RBFOX1: variants seen among roughly 807,000 people sequenced by gnomAD.
The protein encoded by RBFOX1 is RNA binding protein fox-1 homolog 1.
RBFOX1 carries 8 observed loss-of-function variants against 57.7 expected under a neutral mutation model. The observed-to-expected ratio is 0.14, with a 90% CI of 0.08 to 0.25. RBFOX1 has a LOEUF of 0.25. Ranked by LOEUF, RBFOX1 falls within the 10% of genes least tolerant of loss-of-function variation. RBFOX1 has a pLI of 1.00. For synonymous variants in RBFOX1, 326 were observed against 222.4 expected (o/e 1.47, Z -4.15); for missense variants, 611 against 548.5 (o/e 1.11, Z -1.14).
intron 3 of RBFOX1, among the ~76,000 whole-genome samples, chr16:6,773,022 G>A (rs542713975): frequency 1.4e-5 from 2 of 145,204 alleles, no homozygotes; most frequent in South Asian, 2.2e-4. Context: ...GTGTGTGATT[G>A]TATTTGTGGG....
At chr16:6,439,861 GA>G (rs1474747539) in intron 2 of RBFOX1, among the ~76,000 whole-genome samples, 1 of 152,144 alleles carries the variant, frequency 6.6e-6, no homozygotes, top group African/African-American at 2.4e-5. Context: ...ATGGGATGCA[GA>G]AAGCTGGGCC....
At chr16:6,591,389 G>A (rs1303045827) in intron 2 of RBFOX1, among the ~76,000 whole-genome samples, 9 of 152,180 alleles carry the variant, frequency 5.9e-5, no homozygotes, top group Non-Finnish European at 1.3e-4. Context: ...GGGAGGCGGA[G>A]ATTGCAGTGA....
At chr16:7,181,082 C>G (rs920060958) in intron 4 of RBFOX1, among the ~76,000 whole-genome samples, 1 of 152,242 alleles carries the variant, frequency 6.6e-6, no homozygotes, top group Admixed American at 6.5e-5. Context: ...CCATGGCTTA[C>G]TGACCCCCTG....
intron 1 of RBFOX1, among the ~76,000 whole-genome samples, chr16:6,091,523 G>T (rs1180938875): frequency 1.0e-5 from 1 of 97,544 alleles, no homozygotes; most frequent in African/African-American, 6.4e-5. Context: ...CTACATGGTA[G>T]GTATTCAAAA....
intron 2 of RBFOX1, among the ~76,000 whole-genome samples, chr16:6,338,652 C>T (rs2084097894): frequency 6.6e-6 from 1 of 152,120 alleles, no homozygotes. Context: ...CAGTGGCTAC[C>T]TGGTTATGTA....
intron 2 of RBFOX1, among the ~76,000 whole-genome samples, chr16:5,522,718 G>A (rs1460377528): frequency 1.3e-5 from 2 of 152,032 alleles, no homozygotes; most frequent in African/African-American, 2.4e-5. Flanking sequence ...CCCACCTCTG[G>A]TATCTATGAT....
At position 7,264,902 on chromosome 16, in the gene RBFOX1, C is replaced by A. The variant is rs529385014; in HGVS notation, c.27+212804C>A. ...TTTGAGACATTTACCCCCAGTCCACCTTCCCACAGAAAGATCCATCAGGCC... is the reference window on the plus strand; with the variant it reads ...TTTGAGACATTTACCCCCAGTCCACATTCCCACAGAAAGATCCATCAGGCC... On this transcript the variant is annotated intron_variant, in intron 4 of 15. Transcript: ENST00000550418. Among the ~76,000 whole-genome samples the A allele has an allele frequency of 1.8e-4, 27 of 152,304 alleles. No homozygotes were observed. The East Asian group carries it at 4.1e-3, about 23-fold the overall frequency.
At position 6,154,127 on chromosome 16, in the gene RBFOX1, C is replaced by T. The variant is rs912820332; in HGVS notation, c.-127+134135C>T. ...AAATCAGATGTTCCTGCGTCATAATCTCACGCTGACGCTTACTAAGCCTGT... is the reference window on the plus strand; with the variant it reads ...AAATCAGATGTTCCTGCGTCATAATTTCACGCTGACGCTTACTAAGCCTGT... On this transcript the variant is annotated intron_variant, in intron 1 of 15. Coordinates refer to ENST00000550418, the MANE Select transcript of RBFOX1 (RefSeq NM_018723.4). 1.3e-5 allele frequency among the ~76,000 whole-genome samples: 2 copies of T among 152,198 alleles called. 1 individual carries two copies. The highest frequency in any genetic ancestry group is 4.8e-5 in the African/African-American group (2 of 41,454).
At chr16:5,514,241 C>G (rs541619326) in intron 2 of RBFOX1, among the ~76,000 whole-genome samples, 6 of 152,132 alleles carry the variant, frequency 3.9e-5, no homozygotes. Context: ...GTTGGCTGAC[C>G]GTGGATGGGT....
intron 15 of RBFOX1, chr16:7,709,360 C>T (rs2083514272): frequency 4.7e-6 from 5 of 1,074,936 alleles, no homozygotes; most frequent in African/African-American, 3.2e-5. Context: ...TTGCAAGTCT[C>T]ACCTAGCAGA....
chr16:5,794,136 G>C (rs1462791420), intron 3 of RBFOX1, among the ~76,000 whole-genome samples: 1 of 152,066 alleles, frequency 6.6e-6, no homozygotes, highest in Non-Finnish European at 1.5e-5. Flanking sequence ...AATCTCTTGG[G>C]GCTTTTTCTT....
At position 7,357,679 on chromosome 16, in the gene RBFOX1, G is replaced by A. The variant is rs143231643; in HGVS notation, c.28-160468G>A. ...TTGCGCAGGACTTTTATTCAGTCTC[G>A]GTTGCAATGTCAGTTTTCTTGCCCT... On this transcript the variant is annotated intron_variant, in intron 4 of 15. Transcript: ENST00000550418. Among the ~76,000 whole-genome samples the A allele has an allele frequency of 2.6e-4, 40 of 152,196 alleles. No homozygotes were observed. In the East Asian group the frequency reaches 7.3e-3, roughly 28 times the overall value.
intron 2 of RBFOX1, among the ~76,000 whole-genome samples, chr16:6,433,924 C>T (rs1332242317): frequency 2.0e-5 from 3 of 150,966 alleles, no homozygotes; most frequent in Non-Finnish European, 2.9e-5. Flanking sequence ...CTCTGCTCAC[C>T]GTAACCTCCA....
rs763030500 is a variant in RBFOX1, at chr16:6,156,297, T to C, written c.-127+136305T>C. Among the ~76,000 whole-genome samples, 5 of 152,172 alleles carry C rather than the reference T, an allele frequency of 3.3e-5. No homozygotes were observed. The East Asian group carries it at 5.8e-4, about 18-fold the overall frequency. ...TGCTTCCCCCACAGCTAATGGAACA[T>C]TGATTTTGTTAAAGGATTGGGAAGC... On this transcript the variant is annotated intron_variant, in intron 1 of 15. Coordinates refer to ENST00000550418, the MANE Select transcript of RBFOX1 (RefSeq NM_018723.4).
At chr16:6,091,259 A>G (rs911176295) in intron 1 of RBFOX1, among the ~76,000 whole-genome samples, 8 of 152,110 alleles carry the variant, frequency 5.3e-5, no homozygotes, top group Non-Finnish European at 8.8e-5. Context: ...ATTCTCTTAC[A>G]TCTATGATAC....
At chr16:5,963,646 C>A (rs1156718222) in intron 4 of RBFOX1, among the ~76,000 whole-genome samples, 1 of 152,116 alleles carries the variant, frequency 6.6e-6, no homozygotes, top group African/African-American at 2.4e-5. Flanking sequence ...TGACAAGAAC[C>A]TGCAATGGGG....
intron 3 of RBFOX1, among the ~76,000 whole-genome samples, chr16:5,699,990 G>A (rs899330926): frequency 2.0e-5 from 3 of 151,924 alleles, no homozygotes; most frequent in Non-Finnish European, 2.9e-5. Flanking sequence ...CCGCCACCAC[G>A]CCCGGCTAAT....
At chr16:7,247,293 T>A (rs1268963465) in intron 4 of RBFOX1, among the ~76,000 whole-genome samples, 1 of 152,198 alleles carries the variant, frequency 6.6e-6, no homozygotes, top group Non-Finnish European at 1.5e-5. Flanking sequence ...CCGGTTAACA[T>A]TCCTTAACCA....
At chr16:7,142,168 C>CA (rs1428706784) in intron 4 of RBFOX1, among the ~76,000 whole-genome samples, 1 of 152,030 alleles carries the variant, frequency 6.6e-6, no homozygotes, top group Non-Finnish European at 1.5e-5. Flanking sequence ...GGACTGCGAG[C>CA]ACACACCACC....
Sources: allele counts gnomAD v4.1 joint callset (sites outside exome capture counted in the v4.1 genomes callset), GRCh38; gene constraint gnomAD v4.1.1; transcripts MANE v1.5; gene names NCBI Gene and HGNC (gene_info 2026-07-23, HGNC 2026-07-21).